RALGPS1: variants seen among roughly 807,000 people sequenced by gnomAD.
The protein encoded by RALGPS1 is ras-specific guanine nucleotide-releasing factor RalGPS1.
RALGPS1 carries 19 observed loss-of-function variants against 78.8 expected under a neutral mutation model. That is an observed-to-expected ratio of 0.24 (90% CI 0.17 to 0.35). The LOEUF (loss-of-function observed/expected upper bound fraction) is 0.35, where lower values mean the gene tolerates loss of function less well. Ranked by LOEUF, RALGPS1 falls within the 10% of genes least tolerant of loss-of-function variation. The pLI is 1.00. For synonymous variants in RALGPS1, 228 were observed against 256.3 expected (o/e 0.89, Z 1.06); for missense variants, 454 against 688.3 (o/e 0.66, Z 3.81).
At chr9:127,182,392 C>CCCTCCCTCCCTTCCTTCCTCCCTTCCTT (rs1564738328) in intron 11 of RALGPS1, among the ~76,000 whole-genome samples, 1 of 52,410 alleles carries the variant, frequency 1.9e-5, no homozygotes, top group Non-Finnish European at 4.4e-5. Flanking sequence ...CTCCCTCCCT[C>CCCTCCCTCCCTTCCTTCCTCCCTTCCTT]CCTCCCTTCC....
chr9:127,010,258 C>A (rs2044224182), intron 4 of RALGPS1, among the ~76,000 whole-genome samples: 1 of 152,150 alleles, frequency 6.6e-6, no homozygotes, highest in South Asian at 2.1e-4. Flanking sequence ...CTTTGTCCTT[C>A]CTCATCGCTT....
intron 5 of RALGPS1, among the ~76,000 whole-genome samples, chr9:127,036,357 A>T (rs1403791822): frequency 1.3e-5 from 2 of 152,218 alleles, no homozygotes; most frequent in African/African-American, 2.4e-5. Context: ...TTTATGTGTG[A>T]GAACAAGACT....
At chr9:127,066,084 G>C (rs769692574) in intron 7 of RALGPS1, among the ~76,000 whole-genome samples, 18 of 152,192 alleles carry the variant, frequency 1.2e-4, no homozygotes, top group Non-Finnish European at 2.2e-4. Context: ...AGGCTGATCA[G>C]CTCTGAGGTG....
rs2058899158 is a variant in RALGPS1, at chr9:127,159,532, C to G, written c.611-6537C>G. On this transcript the variant is annotated intron_variant, in intron 8 of 18. Coordinates refer to ENST00000259351, the MANE Select transcript of RALGPS1 (RefSeq NM_014636.3). ...CTTCTGCAGACCGAGGAAACTGTCTCAGTGACAGTAAGCTTCCAACAGCTT... is the reference window on the plus strand; with the variant it reads ...CTTCTGCAGACCGAGGAAACTGTCTGAGTGACAGTAAGCTTCCAACAGCTT... 1.3e-5 allele frequency among the ~76,000 whole-genome samples: 2 copies of G among 152,232 alleles called. 1 individual carries two copies. Among genetic ancestry groups the G allele is most frequent in the Non-Finnish European group, 2.9e-5 (2 of 68,042 alleles).
intron 14 of RALGPS1, among the ~76,000 whole-genome samples, chr9:127,207,497 A>G (rs1316348556): frequency 6.6e-6 from 1 of 152,188 alleles, no homozygotes; most frequent in Non-Finnish European, 1.5e-5. Flanking sequence ...GTCAGTTACC[A>G]AAAAACAAAC....
At chr9:127,062,479 T>C (rs2135671561) in intron 7 of RALGPS1, among the ~76,000 whole-genome samples, 1 of 152,088 alleles carries the variant, frequency 6.6e-6, no homozygotes, top group East Asian at 1.9e-4. Context: ...TTTAACTCAT[T>C]GATTAAGAGA....
chr9:126,916,806 AG>A (rs929208120), intron 1 of RALGPS1, among the ~76,000 whole-genome samples: 25 of 152,146 alleles, frequency 1.6e-4, no homozygotes, highest in African/African-American at 6.0e-4. Flanking sequence ...AATCCCCAAA[AG>A]AAGACCCCCA....
At chr9:127,071,113 C>CATAT (rs79918276) in intron 8 of RALGPS1, among the ~76,000 whole-genome samples, 26 of 148,076 alleles carry the variant, frequency 1.8e-4, no homozygotes, top group Non-Finnish European at 2.7e-4. Flanking sequence ...CTAAAGCAAA[C>CATAT]ATATATATAT....
At chr9:126,941,506 C>T (rs2036788130) in intron 1 of RALGPS1, among the ~76,000 whole-genome samples, 2 of 152,064 alleles carry the variant, frequency 1.3e-5, no homozygotes. Context: ...TGTCTCCCAC[C>T]CTGCCTACTT....
chr9:127,021,627 C>CT (rs58796181), intron 4 of RALGPS1, among the ~76,000 whole-genome samples: 3,015 of 131,972 alleles, frequency 0.023, 35 homozygotes, highest in Middle Eastern at 0.079. Flanking sequence ...TCTTCTTCTT[C>CT]TTTTTTTTTT....
intron 7 of RALGPS1, among the ~76,000 whole-genome samples, chr9:127,061,926 G>A (rs1157559966): frequency 6.6e-6 from 1 of 151,962 alleles, no homozygotes; most frequent in African/African-American, 2.4e-5. Flanking sequence ...TCTACTCTTG[G>A]GTCTTTGTGG....
At chr9:127,128,362 G>T (rs1263869621) in intron 8 of RALGPS1, among the ~76,000 whole-genome samples, 1 of 152,352 alleles carries the variant, frequency 6.6e-6, no homozygotes, top group South Asian at 2.1e-4. Context: ...CAATCAAGAT[G>T]CTTCTCACCA....
chr9:127,052,836 C>G lies in RALGPS1; in HGVS notation c.391-11C>G, dbSNP rs766221601. 3 of 1,557,600 alleles carry G rather than the reference C, an allele frequency of 1.9e-6. No individual in the cohort carries two copies. Among genetic ancestry groups the G allele is most frequent in the Non-Finnish European group, 2.7e-6 (3 of 1,129,458 alleles). ...AGCAGCAAAATAATCTATTCCATAT[C>G]TTTTTTTCAGAAACTTCTAGAACTC... On this transcript the variant is annotated splice_polypyrimidine_tract_variant and intron_variant, in intron 6 of 18. Coordinates refer to ENST00000259351, the MANE Select transcript of RALGPS1 (RefSeq NM_014636.3).
chr9:127,060,495 T>C (rs1211121938), intron 7 of RALGPS1, among the ~76,000 whole-genome samples: 1 of 149,656 alleles, frequency 6.7e-6, no homozygotes, highest in Non-Finnish European at 1.5e-5. Flanking sequence ...TATTGAGGGG[T>C]TGGTAAGTAT....
At chr9:127,023,324 A>C (rs1473813605) in intron 4 of RALGPS1, among the ~76,000 whole-genome samples, 1 of 152,114 alleles carries the variant, frequency 6.6e-6, no homozygotes, top group Non-Finnish European at 1.5e-5. Flanking sequence ...CACCAATTTC[A>C]AGACCCGGTC....
chr9:127,212,908 G>A lies in RALGPS1; in HGVS notation c.1447-36G>A, dbSNP rs780355371. 6.2e-7 allele frequency: 1 copy of A among 1,613,678 alleles called. No individual in the cohort carries two copies. Among genetic ancestry groups the A allele is most frequent in the South Asian group, 1.1e-5 (1 of 91,004 alleles). ...CCTCCCTTGTGGAGTGGAGGGCTGG[G>A]CCCCGGTCTCCGGATGTGTTGTTGC... On this transcript the variant is annotated intron_variant, in intron 16 of 18. Transcript: ENST00000259351. This position sits in a 1 kb window ranked among gnomAD's most constrained non-coding sequence, Gnocchi z 6.0.
intron 3 of RALGPS1, 102 bp from the exon 4 acceptor site, chr9:126,977,593 G>A: frequency 1.4e-6 from 1 of 707,290 alleles, no homozygotes; most frequent in Non-Finnish European, 2.2e-6. Flanking sequence ...ATCTCAAAGG[G>A]GAAAGTATAA....
At chr9:126,915,272 G>T (rs1302832533) in intron 1 of RALGPS1, among the ~76,000 whole-genome samples, 3 of 141,972 alleles carry the variant, frequency 2.1e-5, no homozygotes, top group African/African-American at 7.7e-5. Context: ...GCGCGGGCGC[G>T]GGGGGCGGGG....
At chr9:127,168,642 G>A in intron 9 of RALGPS1, 37 bp from the exon 10 acceptor site, 6 of 1,432,244 alleles carry the variant, frequency 4.2e-6, no homozygotes, top group Non-Finnish European at 5.9e-6. Flanking sequence ...AAAGATGGGA[G>A]AGCCTAAAGT....
Sources: gnomAD v4.1 joint callset for allele counts (sites outside exome capture counted in the v4.1 genomes callset) on GRCh38, gnomAD v4.1.1 for gene constraint, Gnocchi (gnomAD v3.1) non-coding constraint, MANE v1.5 for transcripts, NCBI Gene and HGNC (gene_info 2026-07-23, HGNC 2026-07-21) for gene names.